CPPED1: variants seen among roughly 807,000 people sequenced by gnomAD.
CPPED1 encodes serine/threonine-protein phosphatase CPPED1.
In CPPED1, 28 loss-of-function variants were observed where a neutral mutation model predicts 28.0. That is an observed-to-expected ratio of 1.00 (90% confidence interval 0.74 to 1.37). The LOEUF (loss-of-function observed/expected upper bound fraction) is 1.37, where lower values mean the gene tolerates loss of function less well. Ranked by LOEUF, CPPED1 falls within the 40% of genes most tolerant of loss-of-function variation. CPPED1 has a pLI of 0.00. For synonymous variants in CPPED1, 198 were observed against 180.2 expected (o/e 1.10, Z -0.79); for missense variants, 504 against 416.5 (o/e 1.21, Z -1.83).
chr16:12,783,125 G>A (rs2080542250), intron 1 of CPPED1, among the ~76,000 whole-genome samples: 2 of 152,298 alleles, frequency 1.3e-5, no homozygotes, highest in South Asian at 2.1e-4. Context: ...CTCGTTGGGG[G>A]AGATGAGCAA....
chr16:12,668,711 G>A (rs563615473), intron 3 of CPPED1, among the ~76,000 whole-genome samples: 1 of 152,192 alleles, frequency 6.6e-6, no homozygotes, highest in Non-Finnish European at 1.5e-5. Context: ...TACACAAATG[G>A]CCGATAATTA....
intron 3 of CPPED1, among the ~76,000 whole-genome samples, chr16:12,702,779 C>T (rs184948567): frequency 6.6e-6 from 1 of 151,926 alleles, no homozygotes; most frequent in East Asian, 1.9e-4. Context: ...GGGTGGATCA[C>T]CTGACGTCAG....
In CPPED1 at chr16:12,696,598, C is replaced by G. The variant is rs187766593; in HGVS notation, c.715+8026G>C. 5.8e-3 allele frequency among the ~76,000 whole-genome samples: 887 copies of G among 152,002 alleles called. 4 individuals carry two copies. Among genetic ancestry groups the G allele is most frequent in the Non-Finnish European group, 6.5e-3 (442 of 67,958 alleles). ...CTGGGATTACAGGCACTCACCACCA[C>G]GCTCCACTAATTTTTTGTATTTTTA... is the stretch of plus-strand genomic sequence containing the variant. On this transcript the variant is annotated intron_variant, in intron 3 of 3. Coordinates refer to ENST00000381774, the MANE Select transcript of CPPED1 (RefSeq NM_018340.3).
chr16:12,729,196 G>C (rs370055744), intron 2 of CPPED1, among the ~76,000 whole-genome samples: 32 of 152,230 alleles, frequency 2.1e-4, no homozygotes, highest in African/African-American at 7.7e-4. Context: ...CAGGTCTCTA[G>C]AAGTTCAGCT....
intron 2 of CPPED1, among the ~76,000 whole-genome samples, chr16:12,775,979 T>C (rs185116474): frequency 1.4e-3 from 206 of 152,322 alleles, no homozygotes; most frequent in African/African-American, 4.7e-3. Flanking sequence ...ATGTTCGACA[T>C]CCTAACTCCT....
intron 2 of CPPED1, among the ~76,000 whole-genome samples, chr16:12,732,341 C>A (rs1462189309): frequency 5.6e-5 from 7 of 124,444 alleles, no homozygotes; most frequent in Admixed American, 2.7e-4. Flanking sequence ...GTAGAGTGAG[C>A]AAGGAAGTGA....
intron 3 of CPPED1, among the ~76,000 whole-genome samples, chr16:12,697,187 G>A (rs934295589): frequency 6.6e-6 from 1 of 151,576 alleles, no homozygotes; most frequent in Non-Finnish European, 1.5e-5. Flanking sequence ...ATCACGCTTG[G>A]CTAATTTTTG....
rs146789704 is a variant in CPPED1, at chr16:12,693,004, A to T, written c.715+11620T>A. Among the ~76,000 whole-genome samples, 560 of 152,324 alleles carry T rather than the reference A, an allele frequency of 3.7e-3. 7 individuals carry two copies. Among genetic ancestry groups the T allele is most frequent in the African/African-American group, 0.012 (510 of 41,576 alleles). On this transcript the variant is annotated intron_variant, in intron 3 of 3. Coordinates refer to ENST00000381774, the MANE Select transcript of CPPED1 (RefSeq NM_018340.3). The stretch of plus-strand genomic sequence containing the variant: ...ACACAGCACAGTGCTTACAGAAGGG[A>T]GACGTGTGAGGAAAAAAGATTTCCT...
chr16:12,774,358 C>T (rs1263209581), intron 2 of CPPED1, among the ~76,000 whole-genome samples: 1 of 151,828 alleles, frequency 6.6e-6, no homozygotes. Flanking sequence ...ATCCCAGCTA[C>T]TCAGGAGACT....
chr16:12,758,438 T>G (rs1458767109), intron 2 of CPPED1, among the ~76,000 whole-genome samples: 1 of 152,070 alleles, frequency 6.6e-6, no homozygotes, highest in Non-Finnish European at 1.5e-5. Context: ...TACAATCAGA[T>G]AAATGGCAGA....
intron 2 of CPPED1, among the ~76,000 whole-genome samples, chr16:12,765,324 G>C (rs546252513): frequency 2.0e-5 from 3 of 152,312 alleles, no homozygotes; most frequent in East Asian, 3.9e-4. Flanking sequence ...CATGTTATCA[G>C]ACAAGATTCA....
chr16:12,734,339 G>A (rs539463713), intron 2 of CPPED1, among the ~76,000 whole-genome samples: 2 of 151,556 alleles, frequency 1.3e-5, no homozygotes, highest in Non-Finnish European at 2.9e-5. Flanking sequence ...TGAAGTGCTG[G>A]AATTACAGGC....
At position 12,704,941 on chromosome 16, in the gene CPPED1, G is replaced by T. The variant is rs754923212; in HGVS notation, c.398C>A (p.Thr133Asn). ...LVSGNHDIGN[T>N]PTAETVEEFC... is the part of the protein sequence containing the mutation. ...CTCCTCGACGGTCTCGGCCGTGGGG[G>T]TGTTGCCAATGTCATGGTTGCCGCT... Residue 133 changes from threonine (T) to asparagine (N), a missense_variant, in exon 3 of 4, where the codon ACC becomes AAC. Thr to Asn is a moderately conservative substitution (Grantham distance 65). Coordinates refer to ENST00000381774, the MANE Select transcript of CPPED1 (RefSeq NM_018340.3). The T allele has an allele frequency of 6.2e-6, 10 of 1,614,190 alleles. No individual in the cohort carries two copies. In the Admixed American group the frequency reaches 1.5e-4, roughly 24 times the overall value.
chr16:12,685,711 C>G (rs2079929249), intron 3 of CPPED1, among the ~76,000 whole-genome samples: 1 of 152,154 alleles, frequency 6.6e-6, no homozygotes, highest in South Asian at 2.1e-4. Context: ...CAATGTCCTC[C>G]TCAGGGAGGC....
chr16:12,688,638 C>A (rs1165268747), intron 3 of CPPED1, among the ~76,000 whole-genome samples: 1 of 152,072 alleles, frequency 6.6e-6, no homozygotes, highest in African/African-American at 2.4e-5. Context: ...CGCCCAGCCC[C>A]TACTCCACGA....
intron 2 of CPPED1, among the ~76,000 whole-genome samples, chr16:12,726,494 C>T (rs950445671): frequency 2.0e-5 from 3 of 151,906 alleles, no homozygotes; most frequent in African/African-American, 7.3e-5. Flanking sequence ...AGGCACATAT[C>T]ACCACACCCA....
At chr16:12,735,493 C>T (rs1263007801) in intron 2 of CPPED1, among the ~76,000 whole-genome samples, 2 of 152,166 alleles carry the variant, frequency 1.3e-5, no homozygotes, top group East Asian at 1.9e-4. Flanking sequence ...TTATTACAGG[C>T]GAGGTTTCAC....
At position 12,682,622 on chromosome 16, in the gene CPPED1, C is replaced by T. The variant is rs541101118; in HGVS notation, c.716-17507G>A. Among the ~76,000 whole-genome samples, 4 of 152,244 alleles carry T rather than the reference C, an allele frequency of 2.6e-5. No homozygotes were observed. The East Asian group carries it at 7.7e-4, about 29-fold the overall frequency. ...AGGCAAGACTAGTATCAACCATCCC[C>T]AGGGCCACTGGGAAGATAAGTGAGA... On this transcript the variant is annotated intron_variant, in intron 3 of 3. Coordinates refer to ENST00000381774, the MANE Select transcript of CPPED1 (RefSeq NM_018340.3). The surrounding 1 kb of genome is among the most constrained non-coding windows in gnomAD (Gnocchi z 6.1).
intron 2 of CPPED1, among the ~76,000 whole-genome samples, chr16:12,724,392 G>A (rs773083144): frequency 3.3e-5 from 5 of 152,258 alleles, no homozygotes; most frequent in Admixed American, 6.5e-5. Context: ...GCTCACTGCC[G>A]GGGAAACAAT....
Sources: gnomAD v4.1 joint callset for allele counts (sites outside exome capture counted in the v4.1 genomes callset) on GRCh38, gnomAD v4.1.1 for gene constraint, Gnocchi (gnomAD v3.1) non-coding constraint, MANE v1.5 for transcripts, NCBI Gene and HGNC (gene_info 2026-07-23, HGNC 2026-07-21) for gene names.